The following KIAA0232 variants were observed in gnomAD, a reference collection of about 807,000 sequenced individuals.
KIAA0232 encodes uncharacterized protein KIAA0232.
KIAA0232 carries 27 observed loss-of-function variants against 122.0 expected under a neutral mutation model. The observed-to-expected ratio is 0.22, with a 90% CI of 0.16 to 0.31. The LOEUF is 0.31. Among genes scored for constraint, KIAA0232 ranks in the 10% least tolerant of loss-of-function variants. The pLI, the probability that KIAA0232 is intolerant of heterozygous loss-of-function variation, is 1.00. For missense variants in KIAA0232, 1,551 were observed against 1,634.2 expected (o/e 0.95, Z 0.88); for synonymous variants, 613 against 587.6 (o/e 1.04, Z -0.63).
At chr4:6,825,990 C>T (rs1467484026) in intron 3 of KIAA0232, among the ~76,000 whole-genome samples, 2 of 152,136 alleles carry the variant, frequency 1.3e-5, no homozygotes, top group Non-Finnish European at 2.9e-5. Context: ...TGCTCTGTCA[C>T]CCAGGCTGGA....
intron 9 of KIAA0232, among the ~76,000 whole-genome samples, chr4:6,877,139 G>C (rs1721799063): frequency 6.6e-6 from 1 of 151,388 alleles, no homozygotes; most frequent in Non-Finnish European, 1.5e-5. Context: ...TGTCCTCTTT[G>C]AAAGTGCACC....
Position 6,858,376 on chromosome 4 carries a change from T to C in KIAA0232, c.437-49T>C, listed in dbSNP as rs1479243781. On this transcript the variant is annotated intron_variant, in intron 5 of 9. Transcript: ENST00000307659. The stretch of plus-strand genomic sequence containing the variant: ...AGAAACTTTGAAATACATTAGCATT[T>C]ATTAACTAGATATAAGACAAATCTT... The C allele has an allele frequency of 2.6e-6, 3 of 1,133,992 alleles. No homozygotes were observed. The African/African-American group carries it at 4.8e-5, about 18-fold the overall frequency. 70.2% of individuals were successfully genotyped at this position (1,133,992 alleles called of 1,614,324 possible).
At chr4:6,871,784 A>G (rs1005881792) in intron 8 of KIAA0232, 102 bp downstream of exon 8, 21 of 743,886 alleles carry the variant, frequency 2.8e-5, no homozygotes, top group African/African-American at 5.3e-5. Flanking sequence ...ACATTTACCA[A>G]GAGGTTTCTG....
rs1718568436 is a variant in KIAA0232, at chr4:6,824,353, C to T, written c.-101C>T. The T allele has an allele frequency of 2.1e-6, 2 of 949,670 alleles. No individual in the cohort carries two copies. The highest frequency in any genetic ancestry group is 2.7e-5 in the South Asian group (2 of 74,010). 58.8% of individuals were successfully genotyped at this position (949,670 alleles called of 1,614,324 possible). A position where few individuals can be genotyped will look rare whatever the true frequency, so the allele number is the denominator to read the frequency against. ...ATAAATGCTTATCCTACATGTCAAGCATCTCTACTTTTTACTGGAGTGAAA... is the reference window on the plus strand; with the variant it reads ...ATAAATGCTTATCCTACATGTCAAGTATCTCTACTTTTTACTGGAGTGAAA... On this transcript the variant is annotated 5_prime_UTR_variant, in exon 3 of 10. Transcript: ENST00000307659.
chr4:6,868,891 T>G (rs79599265), intron 7 of KIAA0232, among the ~76,000 whole-genome samples: 1,662 of 152,246 alleles, frequency 0.011, 15 homozygotes, highest in Non-Finnish European at 0.016. Flanking sequence ...GAAAAAAGAC[T>G]CCCAAATTTA....
intron 3 of KIAA0232, among the ~76,000 whole-genome samples, chr4:6,836,460 T>C (rs1719276255): frequency 6.6e-6 from 1 of 151,674 alleles, no homozygotes; most frequent in Non-Finnish European, 1.5e-5. Context: ...GTTCTCACTT[T>C]TTCCTGATTT....
intron 3 of KIAA0232, among the ~76,000 whole-genome samples, chr4:6,835,105 T>A (rs184703306): frequency 6.6e-6 from 1 of 152,266 alleles, no homozygotes; most frequent in Admixed American, 6.5e-5. Flanking sequence ...GACATGTCTG[T>A]CATCTTGGCA....
At chr4:6,815,758 C>T (rs756628487) in intron 2 of KIAA0232, among the ~76,000 whole-genome samples, 22 of 152,046 alleles carry the variant, frequency 1.4e-4, no homozygotes, top group Non-Finnish European at 2.8e-4. Flanking sequence ...TAGATATAAC[C>T]AGTTATTTTA....
At chr4:6,798,535 A>G (rs1021024390) in intron 1 of KIAA0232, among the ~76,000 whole-genome samples, 3 of 151,512 alleles carry the variant, frequency 2.0e-5, no homozygotes, top group African/African-American at 7.3e-5. Flanking sequence ...GCTGACACCA[A>G]CCCTTTTCTT....
At chr4:6,819,811 G>A (rs1050653383) in intron 2 of KIAA0232, among the ~76,000 whole-genome samples, 1 of 152,086 alleles carries the variant, frequency 6.6e-6, no homozygotes, top group East Asian at 1.9e-4. Context: ...GTTCATCACG[G>A]CACTATTCAC....
intron 1 of KIAA0232, among the ~76,000 whole-genome samples, chr4:6,795,969 G>GAA (rs956160427): frequency 9.9e-5 from 15 of 152,172 alleles, no homozygotes; most frequent in African/African-American, 3.6e-4. Context: ...TGGAAATAGA[G>GAA]AAGTCCAAGG....
At chr4:6,830,873 G>GCA (rs1718939705) in intron 3 of KIAA0232, among the ~76,000 whole-genome samples, 1 of 151,846 alleles carries the variant, frequency 6.6e-6, no homozygotes, top group East Asian at 1.9e-4. Flanking sequence ...ACAAGACTTG[G>GCA]GTGGCTAGGG....
chr4:6,837,737 C>A (rs1327830673), intron 3 of KIAA0232, among the ~76,000 whole-genome samples: 1 of 152,204 alleles, frequency 6.6e-6, no homozygotes, highest in East Asian at 1.9e-4. Context: ...CACGGCGAAA[C>A]CCCGTCTCCA....
chr4:6,840,398 C>T (rs1719581642), intron 3 of KIAA0232, among the ~76,000 whole-genome samples: 1 of 152,176 alleles, frequency 6.6e-6, no homozygotes. Context: ...TGGTTTTGGT[C>T]ATTTAGGCAC....
At chr4:6,843,927 CTTTTTTTTTTT>C (rs373793407) in intron 4 of KIAA0232, among the ~76,000 whole-genome samples, 1,201 of 46,286 alleles carry the variant, frequency 0.026, 8 homozygotes, top group South Asian at 0.066. Context: ...AGTTACCCAT[CTTTTTTTTTTT>C]TTTTTTTTTT....
chr4:6,877,005 T>G (rs1428971864), intron 9 of KIAA0232, among the ~76,000 whole-genome samples: 2 of 151,978 alleles, frequency 1.3e-5, no homozygotes, highest in African/African-American at 4.8e-5. Context: ...TCCCCAGTCT[T>G]GGCTCTACAC....
intron 1 of KIAA0232, among the ~76,000 whole-genome samples, chr4:6,792,189 A>G (rs929274384): frequency 6.6e-6 from 1 of 152,174 alleles, no homozygotes; most frequent in African/African-American, 2.4e-5. Flanking sequence ...GATCTACTTT[A>G]GGTACAGATT....
At chr4:6,843,762 T>TC (rs1719789635) in intron 4 of KIAA0232, among the ~76,000 whole-genome samples, 1 of 151,556 alleles carries the variant, frequency 6.6e-6, no homozygotes, top group African/African-American at 2.4e-5. Flanking sequence ...AGAGGGAGAC[T>TC]CCATCTCAAG....
At chr4:6,854,832 A>G (rs142046195) in intron 4 of KIAA0232, among the ~76,000 whole-genome samples, 319 of 152,284 alleles carry the variant, frequency 2.1e-3, no homozygotes, top group African/African-American at 7.3e-3. Flanking sequence ...TTAAGATACT[A>G]TAGGCTCTCA....
Sources: allele counts gnomAD v4.1 joint callset (sites outside exome capture counted in the v4.1 genomes callset), GRCh38; gene constraint gnomAD v4.1.1; transcripts MANE v1.5; gene names NCBI Gene and HGNC (gene_info 2026-07-23, HGNC 2026-07-21).